Variants in MARK3 observed in about 807,000 individuals in gnomAD.
The protein encoded by MARK3 is microtubule affinity regulating kinase 3.
A neutral mutation model predicts 90.1 loss-of-function variants in MARK3; 46 were observed. The observed-to-expected ratio is 0.51, with a 90% CI of 0.40 to 0.65. The LOEUF is 0.65. Among genes scored for constraint, MARK3 ranks in the 30% least tolerant of loss-of-function variants. The pLI is 0.00. For synonymous variants in MARK3, 321 were observed against 332.6 expected (o/e 0.97, Z 0.38); for missense variants, 818 against 947.2 (o/e 0.86, Z 1.79).
chr14:103,502,849 G>A (rs767347119), intron 17 of MARK3, 33 bp from the exon 18 acceptor site: 6 of 1,552,134 alleles, frequency 3.9e-6, no homozygotes, highest in Admixed American at 1.8e-5. Context: ...TTTCCTGTAC[G>A]ATTAAAAATA....
At chr14:103,404,131 A>T (rs1047955250) in intron 1 of MARK3, among the ~76,000 whole-genome samples, 4 of 152,254 alleles carry the variant, frequency 2.6e-5, no homozygotes, top group Non-Finnish European at 4.4e-5. Flanking sequence ...ACTTTAAAAC[A>T]CCTGAGTTTC....
At chr14:103,440,944 AAAAAG>A (rs1296513730) in intron 3 of MARK3, among the ~76,000 whole-genome samples, 601 of 151,222 alleles carry the variant, frequency 4.0e-3, no homozygotes, top group Non-Finnish European at 6.9e-3. Context: ...TTAAAAAAAA[AAAAAG>A]AAAAGAAAAG....
rs144856370 is a variant in MARK3, at chr14:103,468,419, G to C, written c.1264+233G>C. On this transcript the variant is annotated intron_variant, in intron 12 of 17. Transcript: ENST00000429436. ...GGCTCACTGCAACCTCCACCTCCCA[G>C]GTTCAAGCGATTCTCCTGCCTCAGC... Among the ~76,000 whole-genome samples, 327 of 144,034 alleles carry C rather than the reference G, an allele frequency of 2.3e-3. 4 individuals carry two copies. The highest frequency in any genetic ancestry group is 8.0e-3 in the African/African-American group (307 of 38,228). 94.5% of individuals were successfully genotyped at this position (144,034 alleles called of 152,430 possible).
At chr14:103,431,602 T>A (rs1192391863) in intron 3 of MARK3, among the ~76,000 whole-genome samples, 1 of 152,124 alleles carries the variant, frequency 6.6e-6, no homozygotes, top group African/African-American at 2.4e-5. Flanking sequence ...ACAAGAAATT[T>A]GTAACATGTA....
chr14:103,472,327 C>A (rs28583452), intron 12 of MARK3, among the ~76,000 whole-genome samples: 51,404 of 151,854 alleles, frequency 0.34, 9,063 homozygotes, highest in Middle Eastern at 0.46. Context: ...AACACCAAAC[C>A]CATGAAATAA....
At chr14:103,492,590 C>G (rs1327767074) in intron 15 of MARK3, among the ~76,000 whole-genome samples, 1 of 152,074 alleles carries the variant, frequency 6.6e-6, no homozygotes, top group Non-Finnish European at 1.5e-5. Context: ...GATAAAATCT[C>G]TGGTTTATTA....
chr14:103,447,993 G>A (rs1280612208), intron 3 of MARK3, among the ~76,000 whole-genome samples: 8 of 152,126 alleles, frequency 5.3e-5, no homozygotes, highest in Middle Eastern at 3.2e-3. Flanking sequence ...GGCTGGTCTC[G>A]ACCTCCTGAG....
At chr14:103,487,914 G>T (rs1289861371) in intron 14 of MARK3, among the ~76,000 whole-genome samples, 3 of 152,128 alleles carry the variant, frequency 2.0e-5, no homozygotes, top group African/African-American at 4.8e-5. Flanking sequence ...CGGGCGTGGT[G>T]GTGGGTGCCT....
At chr14:103,501,353 A>G (rs570321919) in intron 17 of MARK3, among the ~76,000 whole-genome samples, 12 of 152,330 alleles carry the variant, frequency 7.9e-5, no homozygotes, top group African/African-American at 2.6e-4. Flanking sequence ...GGAAGGTGAC[A>G]TAATAGGACC....
At chr14:103,477,693 G>A (rs1057059626) in intron 13 of MARK3, among the ~76,000 whole-genome samples, 7 of 152,032 alleles carry the variant, frequency 4.6e-5, no homozygotes, top group African/African-American at 1.4e-4. Flanking sequence ...CCCAGAAGGA[G>A]CATCTGTTTA....
intron 3 of MARK3, among the ~76,000 whole-genome samples, chr14:103,428,975 A>G (rs908474982): frequency 7.9e-5 from 12 of 152,244 alleles, no homozygotes; most frequent in Non-Finnish European, 1.3e-4. Context: ...ATCATTTAAC[A>G]TAGATCAAGT....
At chr14:103,486,820 C>T (rs2093937976) in intron 14 of MARK3, among the ~76,000 whole-genome samples, 1 of 151,974 alleles carries the variant, frequency 6.6e-6, no homozygotes, top group Non-Finnish European at 1.5e-5. Context: ...TATTTTGTTG[C>T]TTGCTTTGTG....
intron 2 of MARK3, among the ~76,000 whole-genome samples, chr14:103,417,965 A>G (rs889922773): frequency 6.6e-6 from 1 of 152,064 alleles, no homozygotes; most frequent in African/African-American, 2.4e-5. Flanking sequence ...GCTACTCAGG[A>G]GGCTGAGGCA....
intron 2 of MARK3, 85 bp from the exon 3 acceptor site, chr14:103,428,302 G>T: frequency 1.5e-6 from 1 of 653,600 alleles, no homozygotes; most frequent in South Asian, 2.1e-5. Context: ...TTGCTTGCTT[G>T]CTTCTTAATG....
At chr14:103,458,824 A>G in intron 6 of MARK3, 3 of 637,620 alleles carry the variant, frequency 4.7e-6, no homozygotes, top group Non-Finnish European at 8.4e-6. Flanking sequence ...TAAGTTTCTT[A>G]TAAACGTTGC....
At chr14:103,500,351 G>A (rs1595969663) in intron 17 of MARK3, among the ~76,000 whole-genome samples, 151 bp downstream of exon 17, 1 of 152,248 alleles carries the variant, frequency 6.6e-6, no homozygotes, top group African/African-American at 2.4e-5. Context: ...GCGCCAGCCT[G>A]CCATGAGCAC....
In MARK3 at chr14:103,451,970, A is replaced by G. The variant is rs2093157271; in HGVS notation, c.399A>G (p.Glu133=). Reference sequence around the variant, plus strand: ...AAAAAACACTCTACCTAATCATGGAATATGCAAGTGGAGGTAAGAACATTT... The same window carrying G: ...AAAAAACACTCTACCTAATCATGGAGTATGCAAGTGGAGGTAAGAACATTT... ...ETEKTLYLIM[E]YASGGEVFDY... Residue 133 remains glutamate, a synonymous_variant, in exon 5 of 18, where the codon GAA becomes GAG. Transcript: ENST00000429436. 1 of 1,609,578 alleles carries G rather than the reference A, an allele frequency of 6.2e-7. No individual in the cohort carries two copies. The highest frequency in any genetic ancestry group is 1.1e-5 in the South Asian group (1 of 90,482).
intron 15 of MARK3, among the ~76,000 whole-genome samples, chr14:103,493,688 A>G (rs906403750): frequency 3.9e-5 from 6 of 151,918 alleles, no homozygotes; most frequent in Admixed American, 3.9e-4. Context: ...CAGCCTGACC[A>G]ATATGGTGAA....
intron 3 of MARK3, among the ~76,000 whole-genome samples, chr14:103,437,617 T>C (rs2180992): frequency 0.96 from 146,916 of 152,282 alleles, 71,050 homozygotes; most frequent in East Asian, 1. Flanking sequence ...ACCAAGGACT[T>C]ATTATGCTAT....
Sources: allele counts gnomAD v4.1 joint callset (sites outside exome capture counted in the v4.1 genomes callset), GRCh38; gene constraint gnomAD v4.1.1; transcripts MANE v1.5; gene names NCBI Gene and HGNC (gene_info 2026-07-23, HGNC 2026-07-21).